Variants in DUSP1 observed in about 807,000 individuals in gnomAD.
DUSP1 encodes the protein dual specificity protein phosphatase 1.
In DUSP1, 10 loss-of-function variants were observed where a neutral mutation model predicts 27.4. That is an observed-to-expected ratio of 0.37 (90% confidence interval 0.23 to 0.62). The LOEUF is 0.62. Ranked by LOEUF, DUSP1 falls within the 20% of genes least tolerant of loss-of-function variation. DUSP1 has a pLI of 0.68. For synonymous variants in DUSP1, 262 were observed against 223.6 expected (o/e 1.17, Z -1.53); for missense variants, 425 against 508.1 (o/e 0.84, Z 1.57).
At position 172,771,176 on chromosome 5, in the gene DUSP1, A is replaced by C. The variant is rs1167039556; in HGVS notation, c.-224T>G. 1.9e-6 allele frequency: 1 copy of C among 521,640 alleles called. No individual in the cohort carries two copies. The allele number at this position is 521,640 out of a possible 1,614,324, so 32.3% of individuals were successfully genotyped here. A position where few individuals can be genotyped will look rare whatever the true frequency, so the allele number is the denominator to read the frequency against. The stretch of plus-strand genomic sequence containing the variant: ...TGCCCCTCCGACCCGCGTCGCACAC[A>C]CAGCCCAAATGTCCTTCGCAGCGAG... On this transcript the variant is annotated 5_prime_UTR_variant, in exon 1 of 4. Transcript: ENST00000239223.
At position 172,770,099 on chromosome 5, in the gene DUSP1, C is replaced by T. The variant is rs569888872; in HGVS notation, c.513+62G>A. ...AGGTCACTTTCTATATTCTCCCTGGCACTACTCTTCCATGCCTTTGCCAGT... is the reference window on the plus strand; with the variant it reads ...AGGTCACTTTCTATATTCTCCCTGGTACTACTCTTCCATGCCTTTGCCAGT... On this transcript the variant is annotated intron_variant, in intron 2 of 3. Coordinates refer to ENST00000239223, the MANE Select transcript of DUSP1 (RefSeq NM_004417.4). The T allele has an allele frequency of 7.9e-6, 12 of 1,522,250 alleles. 1 individual carries two copies. Among genetic ancestry groups the T allele is most frequent in the South Asian group, 6.7e-5 (5 of 75,016 alleles). The allele number at this position is 1,522,250 out of a possible 1,614,324, so 94.3% of individuals were successfully genotyped here.
In DUSP1 at chr5:172,770,923, A is replaced by T; in HGVS notation, c.30T>A (p.Ala10=). 6.5e-7 allele frequency: 1 copy of T among 1,540,250 alleles called. No homozygotes were observed. The highest frequency in any genetic ancestry group is 8.7e-7 in the Non-Finnish European group (1 of 1,150,656). The change falls in exon 1 of 4, where the codon GCT becomes GCA. Residue 10 remains alanine (A), a synonymous_variant. Coordinates refer to ENST00000239223, the MANE Select transcript of DUSP1 (RefSeq NM_004417.4). ...CCCCCAGCAGCGCCCGCAGGCCTCC[A>T]GCGTCCAGGGTGCCCACTTCCATGA... MVMEVGTLD[A]GGLRALLGER...
At chr5:172,770,045 T>A (rs939903088) in intron 2 of DUSP1, 116 bp downstream of exon 2, 16 of 1,417,260 alleles carry the variant, frequency 1.1e-5, no homozygotes, top group Non-Finnish European at 1.3e-5. Flanking sequence ...ATCATATCCC[T>A]GTGTCCCCTC....
At position 172,770,880 on chromosome 5, in the gene DUSP1, G is replaced by A. The variant is rs1378569707; in HGVS notation, c.73C>T (p.Leu25=). ...ALLGERAAQC[L]LLDCRSFFAF... is the part of the protein sequence containing the mutation. ...AAGAAGGAGCGGCAGTCCAGCAGCA[G>A]GCATTGCGCCGCTCGCTCCCCCAGC... Residue 25 remains leucine (L), a synonymous_variant, in exon 1 of 4, where the codon CTG becomes TTG. Transcript: ENST00000239223. 6.5e-7 allele frequency: 1 copy of A among 1,532,060 alleles called. No individual in the cohort carries two copies. The highest frequency in any genetic ancestry group is 2.0e-5 in the Admixed American group (1 of 49,706). 94.9% of individuals were successfully genotyped at this position (1,532,060 alleles called of 1,614,324 possible).
chr5:172,770,972 A>T lies in DUSP1; in HGVS notation c.-20T>A. 1 of 1,459,598 alleles carries T rather than the reference A, an allele frequency of 6.9e-7. No individual in the cohort carries two copies. The highest frequency in any genetic ancestry group is 9.0e-7 in the Non-Finnish European group (1 of 1,108,964). The allele number at this position is 1,459,598 out of a possible 1,614,324, so 90.4% of individuals were successfully genotyped here. On this transcript the variant is annotated 5_prime_UTR_variant, in exon 1 of 4. Transcript: ENST00000239223. ...GACCATGGCCGGCCTCAGCGCCCCC[A>T]GCGTGATCGGCCCTGCGGTGCTCTT...
In DUSP1 at chr5:172,770,977, G is replaced by A. The variant is rs1759885866; in HGVS notation, c.-25C>T. 1.4e-6 allele frequency: 2 copies of A among 1,453,304 alleles called. No individual in the cohort carries two copies. The highest frequency in any genetic ancestry group is 2.5e-5 in the Admixed American group (1 of 40,654). 90.0% of individuals were successfully genotyped at this position (1,453,304 alleles called of 1,614,324 possible). A position where few individuals can be genotyped will look rare whatever the true frequency, so the allele number is the denominator to read the frequency against. ...TGGCCGGCCTCAGCGCCCCCAGCGT[G>A]ATCGGCCCTGCGGTGCTCTTTGTCT... On this transcript the variant is annotated 5_prime_UTR_variant, in exon 1 of 4. Transcript: ENST00000239223.
At chr5:172,770,532 C>G (rs34332995) in intron 1 of DUSP1, 54 bp downstream of exon 1, 1 of 1,458,140 alleles carries the variant, frequency 6.9e-7, no homozygotes, top group East Asian at 2.6e-5. Flanking sequence ...GCCAGGGGTA[C>G]CGGGCAAAAC....
In DUSP1 at chr5:172,768,688, G is replaced by C; in HGVS notation, c.*74C>G. On this transcript the variant is annotated 3_prime_UTR_variant, in exon 4 of 4. Coordinates refer to ENST00000239223, the MANE Select transcript of DUSP1 (RefSeq NM_004417.4). ...GACCAGCCCTCTCGAGCCCCTCCCA[G>C]AGTTATTGCATTTCTCCTCTCAAGG... 4 of 1,459,716 alleles carry C rather than the reference G, an allele frequency of 2.7e-6. No homozygotes were observed. Among genetic ancestry groups the C allele is most frequent in the Non-Finnish European group, 3.6e-6 (4 of 1,103,378 alleles). The allele number at this position is 1,459,716 out of a possible 1,614,324, so 90.4% of individuals were successfully genotyped here.
At position 172,769,080 on chromosome 5, in the gene DUSP1, A is replaced by G; in HGVS notation, c.786T>C (p.Ile262=). The change falls in exon 4 of 4, where the codon ATT becomes ATC. Residue 262 remains isoleucine, a synonymous_variant. Transcript: ENST00000239223. ...GRVFVHCQAG[I]SRSATICLAY... is the part of the protein sequence containing the mutation. Reference sequence around the variant, plus strand: ...CAAGGCAGATGGTGGCTGACCGGGAAATGCCTGCCTGGCAGTGGACAAACA... The same window carrying G: ...CAAGGCAGATGGTGGCTGACCGGGAGATGCCTGCCTGGCAGTGGACAAACA... 6.2e-7 allele frequency: 1 copy of G among 1,613,796 alleles called. No homozygotes were observed. The highest frequency in any genetic ancestry group is 8.5e-7 in the Non-Finnish European group (1 of 1,180,024).
At chr5:172,770,537 C>A (rs1759871503) in intron 1 of DUSP1, 49 bp downstream of exon 1, 1 of 1,458,142 alleles carries the variant, frequency 6.9e-7, no homozygotes, top group African/African-American at 1.5e-5. Flanking sequence ...GGGTACCGGG[C>A]AAAACCTCAG....
rs1759845645 is a variant in DUSP1, at chr5:172,769,440, G to A, written c.733+135C>T. 5.0e-6 allele frequency: 5 copies of A among 996,714 alleles called. No homozygotes were observed. The Admixed American group carries it at 1.0e-4, about 21-fold the overall frequency. 61.7% of individuals were successfully genotyped at this position (996,714 alleles called of 1,614,324 possible). A position where few individuals can be genotyped will look rare whatever the true frequency, so the allele number is the denominator to read the frequency against. On this transcript the variant is annotated intron_variant, in intron 3 of 3. Coordinates refer to ENST00000239223, the MANE Select transcript of DUSP1 (RefSeq NM_004417.4). Reference sequence around the variant, plus strand: ...AATCAAATTCATATTTTACAGGAATGTTGCCCACACCAGACTGATACTGAA... The same window carrying A: ...AATCAAATTCATATTTTACAGGAATATTGCCCACACCAGACTGATACTGAA...
chr5:172,771,172 A>G lies in DUSP1; in HGVS notation c.-220T>C. On this transcript the variant is annotated 5_prime_UTR_variant, in exon 1 of 4. Transcript: ENST00000239223. ...CGACTGCCCCTCCGACCCGCGTCGC[A>G]CACACAGCCCAAATGTCCTTCGCAG... The G allele has an allele frequency of 1.9e-6, 1 of 531,390 alleles. No homozygotes were observed. The highest frequency in any genetic ancestry group is 3.0e-6 in the Non-Finnish European group (1 of 333,426). 32.9% of individuals were successfully genotyped at this position (531,390 alleles called of 1,614,324 possible).
At chr5:172,769,263 T>A in intron 3 of DUSP1, 131 bp from the exon 4 acceptor site, 1 of 1,390,228 alleles carries the variant, frequency 7.2e-7, no homozygotes, top group Non-Finnish European at 9.5e-7. Flanking sequence ...TGCCATCACA[T>A]GGATACTGTT....
Position 172,768,817 on chromosome 5 carries a change from G to T in DUSP1, c.1049C>A (p.Thr350Lys). 1.3e-6 allele frequency: 2 copies of T among 1,574,164 alleles called. No individual in the cohort carries two copies. Among genetic ancestry groups the T allele is most frequent in the Middle Eastern group, 1.7e-4 (1 of 5,862 alleles). ...CTGAAGGTAGCTCAGCGCACTGTTCGTGGAGTGGACAGGGATGGAGACGGG... is the reference window on the plus strand; with the variant it reads ...CTGAAGGTAGCTCAGCGCACTGTTCTTGGAGTGGACAGGGATGGAGACGGG... ...NFPVSIPVHSTNSALSYLQSP... is the reference protein window; with the variant it reads ...NFPVSIPVHSKNSALSYLQSP... The change falls in exon 4 of 4, where the codon ACG (threonine) becomes AAG (lysine). Residue 350 changes from threonine (T) to lysine (K), a missense_variant. Transcript: ENST00000239223.
rs1036448225 is a variant in DUSP1 at position 172,771,143 on chromosome 5, C to G, written c.-191G>C. On this transcript the variant is annotated 5_prime_UTR_variant, in exon 1 of 4. Coordinates refer to ENST00000239223, the MANE Select transcript of DUSP1 (RefSeq NM_004417.4). ...CGGGCTCCTCGGCTTCTTCGCGGTT[C>G]CCCCGACTGCCCCTCCGACCCGCGT... 2 of 682,126 alleles carry G rather than the reference C, an allele frequency of 2.9e-6. No homozygotes were observed. The highest frequency in any genetic ancestry group is 4.3e-6 in the Non-Finnish European group (2 of 469,046). 42.3% of individuals were successfully genotyped at this position (682,126 alleles called of 1,614,324 possible).
chr5:172,771,115 C>T lies in DUSP1; in HGVS notation c.-163G>A, dbSNP rs147264422. 4.1e-4 allele frequency: 409 copies of T among 985,964 alleles called. 4 individuals are homozygous for T. The East Asian group carries it at 0.012, about 28-fold the overall frequency. The allele number at this position is 985,964 out of a possible 1,614,324, so 61.1% of individuals were successfully genotyped here. A position where few individuals can be genotyped will look rare whatever the true frequency, so the allele number is the denominator to read the frequency against. On this transcript the variant is annotated 5_prime_UTR_variant, in exon 1 of 4. Coordinates refer to ENST00000239223, the MANE Select transcript of DUSP1 (RefSeq NM_004417.4). ...ACTGAGAGAGGAGCGTCACGCGGGG[C>T]TCCGGGCTCCTCGGCTTCTTCGCGG...
chr5:172,770,749 G>A lies in DUSP1; in HGVS notation c.204C>T (p.Asn68=). Residue 68 remains asparagine (N), a synonymous_variant, in exon 1 of 4, where the codon AAC becomes AAT. Transcript: ENST00000239223. ...GAMGLEHIVP[N]AELRGRLLAG... The stretch of plus-strand genomic sequence containing the variant: ...CCAGCAGGCGGCCGCGGAGCTCGGC[G>A]TTGGGCACGATGTGCTCCAGGCCCA... 2 of 1,444,544 alleles carry A rather than the reference G, an allele frequency of 1.4e-6. No individual in the cohort carries two copies. Among genetic ancestry groups the A allele is most frequent in the Non-Finnish European group, 1.8e-6 (2 of 1,101,672 alleles). 89.5% of individuals were successfully genotyped at this position (1,444,544 alleles called of 1,614,324 possible).
At chr5:172,769,205 T>A in intron 3 of DUSP1, 73 bp from the exon 4 acceptor site, 1 of 1,528,430 alleles carries the variant, frequency 6.5e-7, no homozygotes, top group Non-Finnish European at 8.7e-7. Context: ...ACAGTGTATC[T>A]GAGAAAGGTC....
rs1377421617 is a variant in DUSP1, at chr5:172,768,778, G to A, written c.1088C>T (p.Thr363Ile). ...ALSYLQSPIT[T>I]SPSC ...CGTGGCCTTTCAGCAGCTGGGAGAG[G>A]TCGTAATGGGGCTCTGAAGGTAGCT... Residue 363 changes from threonine (T) to isoleucine (I), a missense_variant, in exon 4 of 4, where the codon ACC becomes ATC. Transcript: ENST00000239223. 4.6e-6 allele frequency: 7 copies of A among 1,522,322 alleles called. No individual in the cohort carries two copies. The highest frequency in any genetic ancestry group is 4.2e-5 in the African/African-American group (3 of 72,122). 94.3% of individuals were successfully genotyped at this position (1,522,322 alleles called of 1,614,324 possible).
Sources: gnomAD v4.1 joint callset for allele counts on GRCh38, gnomAD v4.1.1 for gene constraint, MANE v1.5 for transcripts, NCBI Gene and HGNC (gene_info 2026-07-23, HGNC 2026-07-21) for gene names.